The following NCS1 variants were observed in gnomAD, a reference collection of about 807,000 sequenced individuals.
The protein encoded by NCS1 is neuronal calcium sensor 1.
In NCS1, 6 loss-of-function variants were observed where a neutral mutation model predicts 28.4. The ratio of observed to expected loss-of-function variants is 0.21; its 90% CI spans 0.12 to 0.42. The LOEUF is 0.42. Ranked by LOEUF, NCS1 falls within the 10% of genes least tolerant of loss-of-function variation. The probability of loss-of-function intolerance (pLI) is 1.00; values close to 1 mark genes in which losing one functional copy is unlikely to be tolerated. For missense variants in NCS1, 131 were observed against 241.4 expected (o/e 0.54, Z 3.03); for synonymous variants, 86 against 99.3 (o/e 0.87, Z 0.79).
chr9:130,186,467 A>G lies in NCS1; in HGVS notation c.64+13740A>G, dbSNP rs1832739556. ...GGGTATCTGTATTTTTGTTTGCTGA[A>G]TTTGATAGTACTGCTTGAGGGAGAT... On this transcript the variant is annotated intron_variant, in intron 1 of 7. Transcript: ENST00000372398. The surrounding 1 kb of genome is among the most constrained non-coding windows in gnomAD (Gnocchi z 4.1). Among the ~76,000 whole-genome samples, 1 of 152,112 alleles carries G rather than the reference A, an allele frequency of 6.6e-6. No individual in the cohort carries two copies. The highest frequency in any genetic ancestry group is 2.1e-4 in the South Asian group (1 of 4,832).
At chr9:130,198,875 C>T (rs530367089) in intron 1 of NCS1, among the ~76,000 whole-genome samples, 8 of 152,216 alleles carry the variant, frequency 5.3e-5, no homozygotes, top group Admixed American at 1.3e-4. Flanking sequence ...TTTCAGCATC[C>T]GCCCCACAGC....
chr9:130,227,391 T>C (rs1833430507), intron 7 of NCS1, among the ~76,000 whole-genome samples: 1 of 152,308 alleles, frequency 6.6e-6, no homozygotes. Flanking sequence ...GGTGAACCAG[T>C]GGATGCCTGC....
intron 7 of NCS1, among the ~76,000 whole-genome samples, chr9:130,228,001 C>G (rs1479083937): frequency 6.6e-6 from 1 of 152,186 alleles, no homozygotes; most frequent in Non-Finnish European, 1.5e-5. Context: ...CTTCCAAGCT[C>G]ACTCATGTGG....
At chr9:130,197,905 C>T (rs552243762) in intron 1 of NCS1, among the ~76,000 whole-genome samples, 1 of 149,038 alleles carries the variant, frequency 6.7e-6, no homozygotes, top group African/African-American at 2.5e-5. Context: ...GTGGAGGTTG[C>T]AGTGAGCCAA....
At position 130,219,669 on chromosome 9, in the gene NCS1, C is replaced by T; in HGVS notation, c.229-56C>T. The T allele has an allele frequency of 3.8e-6, 6 of 1,569,230 alleles. No homozygotes were observed. Among genetic ancestry groups the T allele is most frequent in the East Asian group, 2.2e-5 (1 of 44,682 alleles). On this transcript the variant is annotated intron_variant, in intron 3 of 7. Transcript: ENST00000372398. This position sits in a 1 kb window ranked among gnomAD's most constrained non-coding sequence, Gnocchi z 5.7. ...CCCCTCGCCCGTCCCGAGGTTCAGC[C>T]TGACCCGGTGGCCTGGCCGGCACTG...
Position 130,175,838 on chromosome 9 carries a change from C to T in NCS1, c.64+3111C>T, listed in dbSNP as rs1383516389. On this transcript the variant is annotated intron_variant, in intron 1 of 7. Coordinates refer to ENST00000372398, the MANE Select transcript of NCS1 (RefSeq NM_014286.4). This position sits in a 1 kb window ranked among gnomAD's most constrained non-coding sequence, Gnocchi z 4.9. ...GGACAGGGTCACTCTGCAGCCAAGA[C>T]TTAGACAGTGGCAGTCAGCATTGCG... 1.3e-5 allele frequency among the ~76,000 whole-genome samples: 2 copies of T among 152,238 alleles called. No homozygotes were observed. Among genetic ancestry groups the T allele is most frequent in the Admixed American group, 6.5e-5 (1 of 15,284 alleles).
chr9:130,175,097 C>T lies in NCS1; in HGVS notation c.64+2370C>T, dbSNP rs1281396339. Among the ~76,000 whole-genome samples, 11 of 152,054 alleles carry T rather than the reference C, an allele frequency of 7.2e-5. No individual in the cohort carries two copies. Among genetic ancestry groups the T allele is most frequent in the Non-Finnish European group, 1.6e-4 (11 of 68,024 alleles). On this transcript the variant is annotated intron_variant, in intron 1 of 7. Coordinates refer to ENST00000372398, the MANE Select transcript of NCS1 (RefSeq NM_014286.4). This position sits in a 1 kb window ranked among gnomAD's most constrained non-coding sequence, Gnocchi z 4.9. ...ATTAGGGGTGGGCCGTTGGAGGTGG[C>T]GGTGGGTTCATTGGCCTCCTGTCTG...
intron 3 of NCS1, among the ~76,000 whole-genome samples, chr9:130,218,886 C>G (rs1416597117): frequency 6.6e-6 from 1 of 152,126 alleles, no homozygotes; most frequent in Non-Finnish European, 1.5e-5. Flanking sequence ...CCCCCTTGCC[C>G]GGCCATACAT....
At chr9:130,221,001 C>T (rs1833277300) in intron 4 of NCS1, among the ~76,000 whole-genome samples, 1 of 151,904 alleles carries the variant, frequency 6.6e-6, no homozygotes, top group African/African-American at 2.4e-5. Flanking sequence ...GCCCTGGCAG[C>T]CCAATGCCCC....
chr9:130,219,610 G>T lies in NCS1; in HGVS notation c.229-115G>T, dbSNP rs956322020. 1 of 906,060 alleles carries T rather than the reference G, an allele frequency of 1.1e-6. No individual in the cohort carries two copies. Among genetic ancestry groups the T allele is most frequent in the Non-Finnish European group, 1.8e-6 (1 of 561,378 alleles). 56.1% of individuals were successfully genotyped at this position (906,060 alleles called of 1,614,324 possible). A position where few individuals can be genotyped will look rare whatever the true frequency, so the allele number is the denominator to read the frequency against. ...TCGAGCCTGCCCTCTCCACCTGAGT[G>T]TCCATTGGCCACAGTGTCTGGAGCC... On this transcript the variant is annotated intron_variant, in intron 3 of 7. Transcript: ENST00000372398. This position sits in a 1 kb window ranked among gnomAD's most constrained non-coding sequence, Gnocchi z 5.7.
At chr9:130,190,133 G>T (rs1474222656) in intron 1 of NCS1, among the ~76,000 whole-genome samples, 1 of 151,200 alleles carries the variant, frequency 6.6e-6, no homozygotes, top group Non-Finnish European at 1.5e-5. Context: ...GAAAATAAAA[G>T]TAGCCCTGTC....
At chr9:130,183,984 T>C (rs1212773824) in intron 1 of NCS1, among the ~76,000 whole-genome samples, 2 of 151,960 alleles carry the variant, frequency 1.3e-5, no homozygotes, top group African/African-American at 4.8e-5. Context: ...TAATTTTTTG[T>C]GTTTTTTAGC....
At chr9:130,224,292 T>C (rs1278285494) in intron 6 of NCS1, among the ~76,000 whole-genome samples, 2 of 61,728 alleles carry the variant, frequency 3.2e-5, no homozygotes, top group African/African-American at 6.2e-5. Context: ...CTTTCTCTAC[T>C]AAAAAAAAAA....
intron 2 of NCS1, among the ~76,000 whole-genome samples, chr9:130,211,472 C>G (rs1042990455): frequency 1.3e-5 from 2 of 151,636 alleles, no homozygotes; most frequent in Non-Finnish European, 2.9e-5. Flanking sequence ...TCCACCCTGG[C>G]CTGGCCTGAG....
In NCS1 at chr9:130,226,701, T is replaced by C. The variant is rs782799453; in HGVS notation, c.*17+197T>C. ...TCAGAGCTCCTCTGTTTTGATCATT[T>C]TTATAGACCCAGATCAGCCTGCGAG... On this transcript the variant is annotated intron_variant, in intron 7 of 7. Coordinates refer to ENST00000372398, the MANE Select transcript of NCS1 (RefSeq NM_014286.4). The surrounding 1 kb of genome is among the most constrained non-coding windows in gnomAD (Gnocchi z 4.8). Among the ~76,000 whole-genome samples, 1 of 152,038 alleles carries C rather than the reference T, an allele frequency of 6.6e-6. No homozygotes were observed. Among genetic ancestry groups the C allele is most frequent in the Non-Finnish European group, 1.5e-5 (1 of 67,992 alleles).
intron 7 of NCS1, among the ~76,000 whole-genome samples, chr9:130,230,990 T>C (rs1554912013): frequency 6.6e-6 from 1 of 152,250 alleles, no homozygotes; most frequent in African/African-American, 2.4e-5. Context: ...TCTTTTTTTT[T>C]TAACTTTGTT....
Position 130,191,943 on chromosome 9 carries a change from A to G in NCS1, c.65-9015A>G, listed in dbSNP as rs1234620355. Among the ~76,000 whole-genome samples the G allele has an allele frequency of 6.6e-6, 1 of 152,176 alleles. No homozygotes were observed. The highest frequency in any genetic ancestry group is 1.5e-5 in the Non-Finnish European group (1 of 68,024). ...GGGACACCACTCCCACAGTGGGGAC[A>G]CGTGATGGGGGGCTGGAGGGCAGAA... On this transcript the variant is annotated intron_variant, in intron 1 of 7. Coordinates refer to ENST00000372398, the MANE Select transcript of NCS1 (RefSeq NM_014286.4). This position sits in a 1 kb window ranked among gnomAD's most constrained non-coding sequence, Gnocchi z 6.4.
chr9:130,226,688 T>A lies in NCS1; in HGVS notation c.*17+184T>A, dbSNP rs968458437. On this transcript the variant is annotated intron_variant, in intron 7 of 7. Transcript: ENST00000372398. This position sits in a 1 kb window ranked among gnomAD's most constrained non-coding sequence, Gnocchi z 4.8. Reference sequence around the variant, plus strand: ...GCCTTCAAATTGGTCAGAGCTCCTCTGTTTTGATCATTTTTATAGACCCAG... The same window carrying A: ...GCCTTCAAATTGGTCAGAGCTCCTCAGTTTTGATCATTTTTATAGACCCAG... Among the ~76,000 whole-genome samples, 1 of 152,106 alleles carries A rather than the reference T, an allele frequency of 6.6e-6. No individual in the cohort carries two copies. Among genetic ancestry groups the A allele is most frequent in the Admixed American group, 6.5e-5 (1 of 15,268 alleles).
rs1832652245 is a variant in NCS1, at chr9:130,181,403, G to A, written c.64+8676G>A. 6.6e-6 allele frequency among the ~76,000 whole-genome samples: 1 copy of A among 152,170 alleles called. No individual in the cohort carries two copies. Among genetic ancestry groups the A allele is most frequent in the South Asian group, 2.1e-4 (1 of 4,826 alleles). ...GAGCTGCAGCACGGGACGGTCAGGG[G>A]CTGTCACTGCGGTGAGAATCTGGTA... is the stretch of plus-strand genomic sequence containing the variant. On this transcript the variant is annotated intron_variant, in intron 1 of 7. Coordinates refer to ENST00000372398, the MANE Select transcript of NCS1 (RefSeq NM_014286.4). The surrounding 1 kb of genome is among the most constrained non-coding windows in gnomAD (Gnocchi z 5.0).
Sources: allele counts gnomAD v4.1 joint callset (sites outside exome capture counted in the v4.1 genomes callset), GRCh38; gene constraint gnomAD v4.1.1; non-coding constraint Gnocchi (gnomAD v3.1); transcripts MANE v1.5; gene names NCBI Gene and HGNC (gene_info 2026-07-23, HGNC 2026-07-21).